The following PDE10A variants were observed in gnomAD, a reference collection of about 807,000 sequenced individuals.
PDE10A encodes the protein cAMP and cAMP-inhibited cGMP 3',5'-cyclic phosphodiesterase 10A.
PDE10A carries 39 observed loss-of-function variants against 97.7 expected under a neutral mutation model. The ratio of observed to expected loss-of-function variants is 0.40; its 90% CI spans 0.31 to 0.52. PDE10A has a LOEUF of 0.52. Among genes scored for constraint, PDE10A ranks in the 20% least tolerant of loss-of-function variants. PDE10A has a pLI of 0.56. For synonymous variants in PDE10A, 371 were observed against 376.8 expected (o/e 0.98, Z 0.18); for missense variants, 731 against 1,047.8 (o/e 0.70, Z 4.17).
chr6:165,443,111 CAA>C (rs149435215), intron 5 of PDE10A, among the ~76,000 whole-genome samples: 2,002 of 60,294 alleles, frequency 0.033, 27 homozygotes, highest in African/African-American at 0.12. Flanking sequence ...GGCTCTGTCT[CAA>C]AAAAAAAAAA....
intron 1 of PDE10A, among the ~76,000 whole-genome samples, chr6:165,609,096 G>A (rs1027659718): frequency 1.2e-4 from 18 of 152,116 alleles, no homozygotes; most frequent in African/African-American, 3.9e-4. Flanking sequence ...TTCCTGTGCA[G>A]AAGCTCTTTA....
At chr6:165,951,097 C>T (rs1045108364) in intron 1 of PDE10A, among the ~76,000 whole-genome samples, 4 of 152,182 alleles carry the variant, frequency 2.6e-5, no homozygotes, top group African/African-American at 9.7e-5. Context: ...GAAGGTCTTT[C>T]TCAAGGTTGA....
chr6:165,572,992 G>A (rs1785120743), intron 1 of PDE10A, among the ~76,000 whole-genome samples: 1 of 152,128 alleles, frequency 6.6e-6, no homozygotes. Context: ...TGCAAAACTT[G>A]CTATATTTCA....
At chr6:165,614,262 C>T (rs1787625721) in intron 1 of PDE10A, among the ~76,000 whole-genome samples, 1 of 152,178 alleles carries the variant, frequency 6.6e-6, no homozygotes, top group Admixed American at 6.5e-5. Flanking sequence ...ATTCCCCATA[C>T]TCATCCTTAA....
intron 1 of PDE10A, among the ~76,000 whole-genome samples, chr6:165,893,386 GTTTTCATGCTTCTCA>G (rs1781855606): frequency 6.6e-6 from 1 of 152,200 alleles, no homozygotes; most frequent in Non-Finnish European, 1.5e-5. Flanking sequence ...AAGTTAGGCT[GTTTTCATGCTTCTCA>G]TTTTGTTCTC....
At chr6:165,659,851 G>T (rs1790148977) in intron 1 of PDE10A, among the ~76,000 whole-genome samples, 1 of 152,170 alleles carries the variant, frequency 6.6e-6, no homozygotes, top group South Asian at 2.1e-4. Context: ...ATCCAGAGCT[G>T]CGATCTTTCT....
At chr6:165,457,119 G>T (rs1777999505) in intron 3 of PDE10A, among the ~76,000 whole-genome samples, 1 of 152,152 alleles carries the variant, frequency 6.6e-6, no homozygotes, top group Non-Finnish European at 1.5e-5. Context: ...GAAACCCCAT[G>T]ATAAAGGAAT....
intron 1 of PDE10A, among the ~76,000 whole-genome samples, chr6:165,927,597 GT>G (rs1317418342): frequency 5.1e-5 from 7 of 138,064 alleles, no homozygotes; most frequent in Non-Finnish European, 9.3e-5. Flanking sequence ...TTGCTTATAT[GT>G]CTTTTTTTTC....
rs1160026006 is a variant in PDE10A at position 165,930,275 on chromosome 6, T to C, written c.-615+57254A>G. 2.1e-4 allele frequency among the ~76,000 whole-genome samples: 32 copies of C among 152,224 alleles called. 2 individuals carry two copies. Among genetic ancestry groups the C allele is most frequent in the Non-Finnish European group, 1.5e-5 (1 of 68,038 alleles). Reference sequence around the variant, plus strand: ...GAGTTATGAGGAAGAAGAGCATTCATAGCCCTTTTCACCTCCATGGAGCTG... The same window carrying C: ...GAGTTATGAGGAAGAAGAGCATTCACAGCCCTTTTCACCTCCATGGAGCTG... On this transcript the variant is annotated intron_variant, in intron 1 of 19. Transcript: ENST00000366882.
chr6:165,794,472 GCA>G (rs1301590657), intron 1 of PDE10A, among the ~76,000 whole-genome samples: 13 of 149,960 alleles, frequency 8.7e-5, no homozygotes, highest in South Asian at 8.5e-4. Context: ...ATGCATGCAC[GCA>G]CACACTCATT....
At chr6:165,555,567 C>T (rs1163150459) in intron 1 of PDE10A, among the ~76,000 whole-genome samples, 1 of 152,038 alleles carries the variant, frequency 6.6e-6, no homozygotes, top group Non-Finnish European at 1.5e-5. Flanking sequence ...TAGAAAAGAC[C>T]ATGCTACTGT....
intron 1 of PDE10A, among the ~76,000 whole-genome samples, chr6:165,657,400 A>G (rs937427209): frequency 2.0e-5 from 3 of 152,252 alleles, no homozygotes; most frequent in Middle Eastern, 3.2e-3. Context: ...ATTACAACTA[A>G]GAGTTTTCCT....
intron 1 of PDE10A, among the ~76,000 whole-genome samples, chr6:165,551,051 G>T (rs79024091): frequency 6.6e-6 from 1 of 152,060 alleles, no homozygotes; most frequent in Non-Finnish European, 1.5e-5. Context: ...AAAAGAAAAC[G>T]TATCTTGTGT....
intron 1 of PDE10A, among the ~76,000 whole-genome samples, chr6:165,617,297 T>C (rs976972736): frequency 1.2e-4 from 18 of 152,180 alleles, no homozygotes; most frequent in Non-Finnish European, 2.1e-4. Context: ...GGGACCGCTT[T>C]ACGCATTGCA....
intron 1 of PDE10A, among the ~76,000 whole-genome samples, chr6:165,575,426 T>G (rs553850804): frequency 6.6e-6 from 1 of 152,180 alleles, no homozygotes; most frequent in Admixed American, 6.5e-5. Flanking sequence ...TCCCCTCCAA[T>G]GTTTCTCTGA....
intron 1 of PDE10A, among the ~76,000 whole-genome samples, chr6:165,634,825 G>C (rs1195912082): frequency 6.6e-6 from 1 of 152,230 alleles, no homozygotes; most frequent in Non-Finnish European, 1.5e-5. Context: ...CCAAGTGTCA[G>C]TCTTTCCTAA....
chr6:165,857,069 T>A (rs912632162), intron 1 of PDE10A, among the ~76,000 whole-genome samples: 1 of 152,360 alleles, frequency 6.6e-6, no homozygotes, highest in Admixed American at 6.5e-5. Flanking sequence ...GCAAAAGTAT[T>A]AAGATGATGG....
chr6:165,631,888 G>A (rs929207756), intron 1 of PDE10A, among the ~76,000 whole-genome samples: 1 of 152,084 alleles, frequency 6.6e-6, no homozygotes, highest in Non-Finnish European at 1.5e-5. Context: ...TGACATAACT[G>A]AAAAATATTG....
intron 1 of PDE10A, among the ~76,000 whole-genome samples, chr6:165,642,689 C>A (rs370895866): frequency 6.6e-5 from 10 of 152,286 alleles, no homozygotes; most frequent in African/African-American, 2.2e-4. Context: ...ACCAGTCCGG[C>A]CTTTATGCTT....
Sources: gnomAD v4.1 joint callset for allele counts (sites outside exome capture counted in the v4.1 genomes callset) on GRCh38, gnomAD v4.1.1 for gene constraint, MANE v1.5 for transcripts, NCBI Gene and HGNC (gene_info 2026-07-23, HGNC 2026-07-21) for gene names.